FAM199X: variants seen among roughly 807,000 people sequenced by gnomAD.
FAM199X encodes protein FAM199X.
FAM199X carries 4 observed loss-of-function variants against 22.9 expected under a neutral mutation model. The observed-to-expected ratio is 0.17, with a 90% CI of 0.09 to 0.40. The LOEUF is 0.40. Among genes scored for constraint, FAM199X ranks in the 10% least tolerant of loss-of-function variants. FAM199X has a pLI of 1.00. For synonymous variants in FAM199X, 101 were observed against 112.3 expected, an observed-to-expected ratio of 0.90 and a Z score of 0.64; for missense variants, 183 against 306.8, an observed-to-expected ratio of 0.60 and a Z score of 3.01.
chrX:104,185,083 T>G (rs1921765279), intron 2 of FAM199X, among the ~76,000 whole-genome samples: 1 of 103,908 alleles, frequency 9.6e-6, no homozygotes, highest in Non-Finnish European at 2.0e-5. Flanking sequence ...TTTTTTTTTT[T>G]TTTTAGAGAG....
rs1921940817 is a variant in FAM199X at position 104,191,580 on chromosome X, C to T, written c.*1802C>T. On this transcript the variant is annotated 3_prime_UTR_variant, in exon 6 of 6. Coordinates refer to ENST00000493442, the MANE Select transcript of FAM199X (RefSeq NM_207318.4). ...GAACAACTTAACCTCACTGTTTTCC[C>T]TTCCAAGTATAGGAAGAGCAAATAG... The T allele has an allele frequency of 9.0e-6, 1 of 111,397 alleles. No individual in the cohort carries two copies. Among genetic ancestry groups the T allele is most frequent in the East Asian group, 2.8e-4 (1 of 3,564 alleles). 9.2% of individuals were successfully genotyped at this position (111,397 alleles called of 1,213,427 possible). A position where few individuals can be genotyped will look rare whatever the true frequency, so the allele number is the denominator to read the frequency against.
intron 2 of FAM199X, among the ~76,000 whole-genome samples, chrX:104,179,724 T>G (rs782044339): frequency 9.0e-6 from 1 of 111,050 alleles, no homozygotes; most frequent in African/African-American, 3.3e-5. Flanking sequence ...TTCCTAATCT[T>G]AGGGGAGAGG....
At chrX:104,165,541 A>G (rs1921145092), upstream of FAM199X, among the ~76,000 whole-genome samples, 1 of 112,237 alleles carries the variant, frequency 8.9e-6, no homozygotes, top group South Asian at 3.6e-4. Context: ...ATGCTCTTAT[A>G]TGAAAATGTG....
Position 104,186,486 on chromosome X carries a change from G to A in FAM199X, c.594G>A (p.Arg198=), listed in dbSNP as rs781877721. The A allele has an allele frequency of 8.3e-7, 1 of 1,209,756 alleles. No individual in the cohort carries two copies. Among genetic ancestry groups the A allele is most frequent in the South Asian group, 1.8e-5 (1 of 56,267 alleles). The change falls in exon 4 of 6, where the codon CGG becomes CGA. Residue 198 remains arginine, a synonymous_variant. Coordinates refer to ENST00000493442, the MANE Select transcript of FAM199X (RefSeq NM_207318.4). Reference sequence around the variant, plus strand: ...TGGAATATATTGAGTATCTGAGTCGGAAAGTGAGTACTGAGATGGGTCTTC... The same window carrying A: ...TGGAATATATTGAGTATCTGAGTCGAAAAGTGAGTACTGAGATGGGTCTTC... ...EQVEYIEYLS[R]KVSTEMGLRE... is the part of the protein sequence containing the mutation.
chrX:104,177,182 G>A (rs1452879058), intron 2 of FAM199X, among the ~76,000 whole-genome samples: 1 of 111,248 alleles, frequency 9.0e-6, no homozygotes, highest in East Asian at 2.8e-4. Flanking sequence ...CTATGGATTT[G>A]CTTTTGTGGA....
intron 1 of FAM199X, among the ~76,000 whole-genome samples, chrX:104,172,563 G>A (rs974115971): frequency 9.0e-6 from 1 of 111,723 alleles, no homozygotes; most frequent in Admixed American, 9.5e-5. Context: ...AGACTTCTAA[G>A]AACATTCAGA....
At chrX:104,169,860 GC>G (rs1921308388) in intron 1 of FAM199X, among the ~76,000 whole-genome samples, 1 of 111,976 alleles carries the variant, frequency 8.9e-6, no homozygotes, top group Admixed American at 9.4e-5. Context: ...GAGCCACCGC[GC>G]CCGGCCCAGT....
In FAM199X at chrX:104,179,047, T is replaced by A. The variant is rs782779366; in HGVS notation, c.417+3205T>A. Among the ~76,000 whole-genome samples, 206 of 111,880 alleles carry A rather than the reference T, an allele frequency of 1.8e-3. 1 individual carries two copies. Among genetic ancestry groups the A allele is most frequent in the African/African-American group, 6.2e-3 (192 of 30,813 alleles). On this transcript the variant is annotated intron_variant, in intron 2 of 5. Transcript: ENST00000493442. ...CAGGAGGCTGAGGTTGGAAGATCGC[T>A]TGAGCCCTGAAGGTGCAGGTTACAG...
chrX:104,194,814 A>T lies in FAM199X; in HGVS notation c.*5036A>T, dbSNP rs1223922358. On this transcript the variant is annotated 3_prime_UTR_variant, in exon 6 of 6. Coordinates refer to ENST00000493442, the MANE Select transcript of FAM199X (RefSeq NM_207318.4). Reference sequence around the variant, plus strand: ...CAGCAATATCATAACCAAAGCAAGTAGGAAGTTGACTGGTTTGGAGAATCT... The same window carrying T: ...CAGCAATATCATAACCAAAGCAAGTTGGAAGTTGACTGGTTTGGAGAATCT... 1 of 111,747 alleles carries T rather than the reference A, an allele frequency of 8.9e-6. No individual in the cohort carries two copies. Among genetic ancestry groups the T allele is most frequent in the Non-Finnish European group, 1.9e-5 (1 of 53,013 alleles). 9.2% of individuals were successfully genotyped at this position (111,747 alleles called of 1,213,427 possible).
chrX:104,171,149 A>T (rs1034174048), intron 1 of FAM199X, among the ~76,000 whole-genome samples: 1 of 111,794 alleles, frequency 8.9e-6, no homozygotes, highest in Admixed American at 9.5e-5. Flanking sequence ...TACATGGTAC[A>T]CATGCTTTTC....
upstream of FAM199X, among the ~76,000 whole-genome samples, chrX:104,165,477 T>C (rs1414068998): frequency 2.7e-5 from 3 of 112,037 alleles, no homozygotes; most frequent in African/African-American, 9.7e-5. Flanking sequence ...GAAGGATCAA[T>C]GTAGTTTCTT....
rs1318861388 is a variant in FAM199X, at chrX:104,166,483, C to T, written c.-303C>T. 2 of 160,409 alleles carry T rather than the reference C, an allele frequency of 1.2e-5. No individual in the cohort carries two copies. The highest frequency in any genetic ancestry group is 8.3e-5 in the Admixed American group (1 of 12,069). The allele number at this position is 160,409 out of a possible 1,213,427, so 13.2% of individuals were successfully genotyped here. A position where few individuals can be genotyped will look rare whatever the true frequency, so the allele number is the denominator to read the frequency against. ...CAAGCGGCGAGCGCAGTGGGCGGGGCGGGCCTGGCCGGGCCGGGCGGCGGC... is the reference window on the plus strand; with the variant it reads ...CAAGCGGCGAGCGCAGTGGGCGGGGTGGGCCTGGCCGGGCCGGGCGGCGGC... On this transcript the variant is annotated 5_prime_UTR_variant, in exon 1 of 6. Transcript: ENST00000493442.
intron 1 of FAM199X, among the ~76,000 whole-genome samples, chrX:104,171,892 C>T (rs1366224271): frequency 9.0e-6 from 1 of 111,557 alleles, no homozygotes; most frequent in East Asian, 2.8e-4. Context: ...TTCCAAATTT[C>T]TGTTTGGGGA....
At chrX:104,164,785 CAGG>C (rs1228425101), upstream of FAM199X, among the ~76,000 whole-genome samples, 3 of 111,463 alleles carry the variant, frequency 2.7e-5, no homozygotes, top group Admixed American at 9.5e-5. Flanking sequence ...GAGGCTGAGG[CAGG>C]AGAATAGCTT....
chrX:104,168,948 G>T (rs901619945), intron 1 of FAM199X, among the ~76,000 whole-genome samples: 14 of 107,026 alleles, frequency 1.3e-4, no homozygotes, highest in Admixed American at 7.1e-4. Flanking sequence ...GGTGGCAGGG[G>T]TTCTAATGCT....
chrX:104,185,957 A>C, intron 2 of FAM199X, 109 bp from the exon 3 acceptor site: 5 of 774,103 alleles, frequency 6.5e-6, no homozygotes, highest in Non-Finnish European at 9.3e-6. Context: ...GCAGCACGTC[A>C]GTCTCATAAA....
rs2147897514 is a variant in FAM199X at position 104,188,090 on chromosome X, G to A, written c.780G>A (p.Glu260=). 8.3e-7 allele frequency: 1 copy of A among 1,211,849 alleles called. No individual in the cohort carries two copies. The highest frequency in any genetic ancestry group is 1.1e-6 in the Non-Finnish European group (1 of 895,548). ...GCCCTCGCCAACGGCCTGCAAGAGA[G>A]GCCTGGAAGAGAAGCAACTTTAGTT... ...EHSPRQRPAR[E]AWKRSNFSCA... Residue 260 remains glutamate (E), a synonymous_variant, in exon 5 of 6, where the codon GAG becomes GAA. Transcript: ENST00000493442.
chrX:104,164,775 G>A (rs1345447197), upstream of FAM199X, among the ~76,000 whole-genome samples: 1 of 111,314 alleles, frequency 9.0e-6, no homozygotes, highest in Non-Finnish European at 1.9e-5. Context: ...AGCTACTCAG[G>A]AGGCTGAGGC....
In FAM199X at chrX:104,192,571, A is replaced by G. The variant is rs1221800711; in HGVS notation, c.*2793A>G. ...TTCTAAAGGATGAGACTTGCATTTA[A>G]CAAAATGACATATATAATATTTTTC... On this transcript the variant is annotated 3_prime_UTR_variant, in exon 6 of 6. Transcript: ENST00000493442. 4.5e-5 allele frequency: 5 copies of G among 112,041 alleles called. No homozygotes were observed. Among genetic ancestry groups the G allele is most frequent in the Non-Finnish European group, 9.4e-5 (5 of 53,023 alleles). The allele number at this position is 112,041 out of a possible 1,213,427, so 9.2% of individuals were successfully genotyped here.
Sources: allele counts gnomAD v4.1 joint callset (sites outside exome capture counted in the v4.1 genomes callset), GRCh38; gene constraint gnomAD v4.1.1; transcripts MANE v1.5; gene names NCBI Gene and HGNC (gene_info 2026-07-23, HGNC 2026-07-21).